Variants in UGP2 observed in about 807,000 individuals in gnomAD.
The protein encoded by UGP2 is UDP-glucose pyrophosphorylase 2, also known as UTP--glucose-1-phosphate uridylyltransferase.
Under a neutral mutation model 49.0 loss-of-function variants are expected in UGP2, and 40 were observed. The observed-to-expected ratio is 0.82, with a 90% CI of 0.63 to 1.06. UGP2 has a LOEUF of 1.06. UGP2 is among the 50% of genes least tolerant of loss of function. UGP2 has a pLI of 0.00. For missense variants in UGP2, 460 were observed against 603.5 expected, an observed-to-expected ratio of 0.76 and a Z score of 2.49; for synonymous variants, 225 against 213.0, an observed-to-expected ratio of 1.06 and a Z score of -0.49.
In UGP2 at chr2:63,848,632, G is replaced by A. The variant is rs996545971; in HGVS notation, c.19+6428G>A. 1.1e-4 allele frequency among the ~76,000 whole-genome samples: 16 copies of A among 152,308 alleles called. No homozygotes were observed. The East Asian group carries it at 1.7e-3, about 17-fold the overall frequency. ...CTGTCTTGGCCTCCCAAAGTGCTGG[G>A]ATTACAGGTGTGAGCCACTGCGCCC... On this transcript the variant is annotated intron_variant, in intron 1 of 9. Coordinates refer to ENST00000337130, the MANE Select transcript of UGP2 (RefSeq NM_006759.4).
At chr2:63,874,050 A>G (rs1286860574) in intron 3 of UGP2, among the ~76,000 whole-genome samples, 2 of 152,214 alleles carry the variant, frequency 1.3e-5, no homozygotes, top group African/African-American at 4.8e-5. Flanking sequence ...AAATCTTTTA[A>G]TTCACTTCTA....
chr2:63,858,097 C>T, intron 3 of UGP2, 161 bp downstream of exon 3: 1 of 623,112 alleles, frequency 1.6e-6, no homozygotes, highest in South Asian at 2.0e-5. Context: ...TGGAGACAGC[C>T]TTCAGCTCCT....
At chr2:63,874,830 T>C (rs1670806892) in intron 3 of UGP2, among the ~76,000 whole-genome samples, 1 of 151,996 alleles carries the variant, frequency 6.6e-6, no homozygotes, top group Admixed American at 6.5e-5. Flanking sequence ...TCCCACCATG[T>C]GATCTCTACA....
At chr2:63,852,981 A>C (rs1669139958) in intron 1 of UGP2, among the ~76,000 whole-genome samples, 1 of 152,128 alleles carries the variant, frequency 6.6e-6, no homozygotes, top group Admixed American at 6.6e-5. Context: ...TAAGGAAGTA[A>C]AGAATGTGAT....
At chr2:63,887,946 A>G (rs1475449027) in intron 8 of UGP2, 2 of 308,018 alleles carry the variant, frequency 6.5e-6, no homozygotes, top group East Asian at 7.0e-5. Flanking sequence ...GGCTTAACAA[A>G]TACTTATTGA....
intron 3 of UGP2, among the ~76,000 whole-genome samples, chr2:63,858,156 G>C (rs773657203): frequency 6.6e-6 from 1 of 152,154 alleles, no homozygotes. Flanking sequence ...CTAACAGTCT[G>C]ATCTCCCTGT....
chr2:63,883,229 C>A (rs2104353962), intron 4 of UGP2: 1 of 152,302 alleles, frequency 6.6e-6, no homozygotes, highest in East Asian at 1.9e-4. Context: ...TTATTCTGAG[C>A]TCTTTATATG....
At chr2:63,875,350 T>A (rs538142821) in intron 3 of UGP2, among the ~76,000 whole-genome samples, 2 of 152,346 alleles carry the variant, frequency 1.3e-5, no homozygotes, top group East Asian at 3.9e-4. Flanking sequence ...ACAGGGCAGG[T>A]ACTGTTAGCT....
At position 63,886,554 on chromosome 2, in the gene UGP2, G is replaced by T. The variant is rs1671684672; in HGVS notation, c.1071+16G>T. The T allele has an allele frequency of 1.2e-6, 2 of 1,613,136 alleles. No homozygotes were observed. The highest frequency in any genetic ancestry group is 2.2e-5 in the East Asian group (1 of 44,890). ...GAATGCAAAGGTAAGCCAAGGTTGTGGCCCATTGAGCTTCCTGGTTCCTAA... is the reference window on the plus strand; with the variant it reads ...GAATGCAAAGGTAAGCCAAGGTTGTTGCCCATTGAGCTTCCTGGTTCCTAA... On this transcript the variant is annotated intron_variant, in intron 7 of 9. Coordinates refer to ENST00000337130, the MANE Select transcript of UGP2 (RefSeq NM_006759.4).
intron 3 of UGP2, among the ~76,000 whole-genome samples, chr2:63,878,069 T>TA (rs1321285678): frequency 1.3e-5 from 2 of 150,790 alleles, no homozygotes; most frequent in Non-Finnish European, 3.0e-5. Flanking sequence ...GGTTATTTCT[T>TA]AGCAGTTCTG....
At chr2:63,876,772 C>G (rs1286435838) in intron 3 of UGP2, among the ~76,000 whole-genome samples, 1 of 152,186 alleles carries the variant, frequency 6.6e-6, no homozygotes, top group Non-Finnish European at 1.5e-5. Flanking sequence ...TGTGAGTTGC[C>G]AGGGCCTGTT....
At chr2:63,842,461 G>C (rs868011523) in intron 1 of UGP2, 1 of 1,543,444 alleles carries the variant, frequency 6.5e-7, no homozygotes, top group Middle Eastern at 1.7e-4. Context: ...TCGCTTTCCT[G>C]GATAGTGGCT....
intron 2 of UGP2, chr2:63,857,439 C>G: frequency 2.9e-6 from 1 of 350,746 alleles, no homozygotes; most frequent in Admixed American, 3.4e-5. Context: ...TCTCTGCTCA[C>G]TGCAGCCTCA....
chr2:63,876,961 C>A (rs1670946022), intron 3 of UGP2, among the ~76,000 whole-genome samples: 1 of 152,248 alleles, frequency 6.6e-6, no homozygotes, highest in Non-Finnish European at 1.5e-5. Context: ...ATTTAGTATA[C>A]CTTTTGGCTG....
intron 3 of UGP2, among the ~76,000 whole-genome samples, chr2:63,879,733 A>G (rs935075130): frequency 1.3e-5 from 2 of 149,944 alleles, no homozygotes; most frequent in African/African-American, 4.8e-5. Flanking sequence ...TCAACTGTAT[A>G]TGTATATTTT....
intron 1 of UGP2, chr2:63,855,413 T>C: frequency 2.1e-6 from 1 of 484,404 alleles, no homozygotes; most frequent in Non-Finnish European, 4.1e-6. Flanking sequence ...CAGTTGTCCC[T>C]ATTTTATGAG....
At chr2:63,870,020 T>G (rs994782285) in intron 3 of UGP2, among the ~76,000 whole-genome samples, 3 of 151,786 alleles carry the variant, frequency 2.0e-5, no homozygotes, top group African/African-American at 7.3e-5. Context: ...CCTCCTAGGT[T>G]TACACCATTC....
chr2:63,842,557 A>C, intron 1 of UGP2: 1 of 1,512,546 alleles, frequency 6.6e-7, no homozygotes, highest in Non-Finnish European at 8.8e-7. Flanking sequence ...GCGTGCACGC[A>C]GACGGGAAGG....
Position 63,885,788 on chromosome 2 carries a change from G to GATAATC in UGP2, c.775_776insATAATC (p.Val259delinsAspAsnLeu). ...TAACATAGATAATCTGGGTGCCACA[G>GATAATC]TGGATCTGTATATTCTTAATCATCT... On this transcript the variant is annotated protein_altering_variant, in exon 6 of 10. Coordinates refer to ENST00000337130, the MANE Select transcript of UGP2 (RefSeq NM_006759.4). 1 of 1,613,782 alleles carries GATAATC rather than the reference G, an allele frequency of 6.2e-7. No homozygotes were observed. Among genetic ancestry groups the GATAATC allele is most frequent in the Non-Finnish European group, 8.5e-7 (1 of 1,179,888 alleles).
Sources: allele counts gnomAD v4.1 joint callset (sites outside exome capture counted in the v4.1 genomes callset), GRCh38; gene constraint gnomAD v4.1.1; transcripts MANE v1.5; gene names NCBI Gene and HGNC (gene_info 2026-07-23, HGNC 2026-07-21).